The following NAV2 variants were observed in gnomAD, a reference collection of about 807,000 sequenced individuals.
The protein encoded by NAV2 is neuron navigator 2.
A neutral mutation model predicts 223.2 loss-of-function variants in NAV2; 54 were observed. That is an observed-to-expected ratio of 0.24 (90% CI 0.19 to 0.30). The LOEUF (loss-of-function observed/expected upper bound fraction) is 0.30, where lower values mean the gene tolerates loss of function less well. NAV2 is among the 10% of genes least tolerant of loss of function. The probability of loss-of-function intolerance (pLI) is 1.00; values close to 1 mark genes in which losing one functional copy is unlikely to be tolerated. For missense variants in NAV2, 2,806 were observed against 3,147.5 expected, an observed-to-expected ratio of 0.89 and a Z score of 2.60; for synonymous variants, 1,279 against 1,239.3, an observed-to-expected ratio of 1.03 and a Z score of -0.67.
intron 3 of NAV2, among the ~76,000 whole-genome samples, chr11:19,866,539 AAATGT>A (rs2062103524): frequency 6.6e-6 from 1 of 152,232 alleles, no homozygotes; most frequent in African/African-American, 2.4e-5. Context: ...GGCTGAATTG[AAATGT>A]ATCAAGGCTA....
chr11:19,630,984 A>G (rs1481858180), intron 1 of NAV2, among the ~76,000 whole-genome samples: 1 of 151,062 alleles, frequency 6.6e-6, no homozygotes, highest in Non-Finnish European at 1.5e-5. Flanking sequence ...GAAATTTGGT[A>G]AAACACCAGT....
At chr11:19,416,058 G>A (rs1188225401) in intron 1 of NAV2, among the ~76,000 whole-genome samples, 1 of 152,048 alleles carries the variant, frequency 6.6e-6, no homozygotes, top group African/African-American at 2.4e-5. Flanking sequence ...CCTCTCTCAC[G>A]ACTCCTATTC....
chr11:19,905,946 C>T (rs1323401889), intron 6 of NAV2, among the ~76,000 whole-genome samples: 1 of 152,128 alleles, frequency 6.6e-6, no homozygotes, highest in Non-Finnish European at 1.5e-5. Context: ...TTTGGTGAAG[C>T]AGGTGCCTTA....
chr11:19,383,485 C>G (rs140124194), intron 1 of NAV2, among the ~76,000 whole-genome samples: 96 of 152,298 alleles, frequency 6.3e-4, no homozygotes, highest in African/African-American at 2.3e-3. Flanking sequence ...TTCTCCCACC[C>G]CTGCTCCCAA....
intron 1 of NAV2, chr11:19,504,003 A>G (rs2043042045): frequency 6.6e-6 from 1 of 152,240 alleles, no homozygotes; most frequent in Admixed American, 6.5e-5. Context: ...AAAGTGGGCC[A>G]AAGACCTTAA....
At chr11:19,838,759 G>A (rs2060366174) in intron 2 of NAV2, among the ~76,000 whole-genome samples, 1 of 152,124 alleles carries the variant, frequency 6.6e-6, no homozygotes, top group South Asian at 2.1e-4. Flanking sequence ...GAGTAGCTGC[G>A]ATTGTAGGCA....
At chr11:20,055,377 G>A (rs2058300118) in intron 18 of NAV2, among the ~76,000 whole-genome samples, 1 of 152,186 alleles carries the variant, frequency 6.6e-6, no homozygotes, top group African/African-American at 2.4e-5. Context: ...ACTCTTTGAG[G>A]CAAGAGATTC....
chr11:19,854,367 T>C (rs538051424), intron 3 of NAV2, among the ~76,000 whole-genome samples: 1 of 152,116 alleles, frequency 6.6e-6, no homozygotes, highest in South Asian at 2.1e-4. Flanking sequence ...CTTCAGAGAG[T>C]AGAGAATGGT....
At chr11:19,796,756 C>T (rs922758572) in intron 1 of NAV2, among the ~76,000 whole-genome samples, 1 of 152,188 alleles carries the variant, frequency 6.6e-6, no homozygotes, top group Admixed American at 6.5e-5. Flanking sequence ...CTACACACCC[C>T]GAGCAGAATT....
rs137980430 is a variant in NAV2, at chr11:19,364,870, CTT to C, written c.75+13844_75+13845del. On this transcript the variant is annotated intron_variant, in intron 1 of 37. Transcript: ENST00000360655. ...AGAACTTTACAAAAAACTGTCAACT[CTT>C]GTTATTTTTCACAGATTTGTTTACT... is the stretch of plus-strand genomic sequence containing the variant. Among the ~76,000 whole-genome samples, 427 of 152,310 alleles carry C rather than the reference CTT, an allele frequency of 2.8e-3. 4 individuals are homozygous for C. The highest frequency in any genetic ancestry group is 9.7e-3 in the African/African-American group (403 of 41,570).
At chr11:20,043,804 A>C in intron 12 of NAV2, 177 bp from the exon 13 acceptor site, 1 of 542,086 alleles carries the variant, frequency 1.8e-6, no homozygotes. Context: ...TTTTTTTCCA[A>C]AAAAAAAAAA....
chr11:20,077,686 C>G (rs1565002547), intron 23 of NAV2, 51 bp downstream of exon 23: 1 of 1,329,174 alleles, frequency 7.5e-7, no homozygotes, highest in Non-Finnish European at 1.1e-6. Context: ...TAACAACAAA[C>G]TTGAAAATAC....
intron 19 of NAV2, among the ~76,000 whole-genome samples, chr11:20,058,836 C>G (rs916947009): frequency 6.6e-6 from 1 of 152,142 alleles, no homozygotes; most frequent in African/African-American, 2.4e-5. Flanking sequence ...TCTTGGAAAG[C>G]ATTTAACAAA....
At chr11:20,063,965 AAGG>A (rs1436434172) in intron 20 of NAV2, among the ~76,000 whole-genome samples, 2 of 152,160 alleles carry the variant, frequency 1.3e-5, no homozygotes, top group Non-Finnish European at 2.9e-5. Context: ...GTCTGTTTTG[AAGG>A]ACCTAGAAAC....
chr11:20,050,880 G>C (rs529201252), intron 16 of NAV2, among the ~76,000 whole-genome samples: 1 of 152,344 alleles, frequency 6.6e-6, no homozygotes, highest in Admixed American at 6.5e-5. Flanking sequence ...TAGGGGGTGG[G>C]CCAGAGTTAG....
At chr11:19,459,548 A>G (rs1816567626) in intron 1 of NAV2, among the ~76,000 whole-genome samples, 1 of 152,214 alleles carries the variant, frequency 6.6e-6, no homozygotes, top group African/African-American at 2.4e-5. Context: ...GAGGACAGTC[A>G]TCTCTATTAC....
intron 1 of NAV2, among the ~76,000 whole-genome samples, chr11:19,403,434 C>T (rs374828813): frequency 6.6e-6 from 1 of 152,140 alleles, no homozygotes; most frequent in African/African-American, 2.4e-5. Context: ...TGGAATTTCC[C>T]AGAGAAGGGG....
At chr11:19,654,768 G>A (rs2048070553) in intron 1 of NAV2, among the ~76,000 whole-genome samples, 1 of 152,130 alleles carries the variant, frequency 6.6e-6, no homozygotes, top group Non-Finnish European at 1.5e-5. Flanking sequence ...TTAAATGTTA[G>A]GCCTAAAACC....
intron 8 of NAV2, 101 bp downstream of exon 8, chr11:19,939,874 A>T: frequency 1.5e-6 from 1 of 682,880 alleles, no homozygotes; most frequent in South Asian, 2.2e-5. Flanking sequence ...GAGTTGCATT[A>T]TGTTTGCATT....
Sources: allele counts gnomAD v4.1 joint callset (sites outside exome capture counted in the v4.1 genomes callset), GRCh38; gene constraint gnomAD v4.1.1; transcripts MANE v1.5; gene names NCBI Gene and HGNC (gene_info 2026-07-23, HGNC 2026-07-21).